The following MCPH1 variants were observed in gnomAD, a reference collection of about 807,000 sequenced individuals.
The protein encoded by MCPH1 is microcephalin 1, also known as microcephalin.
Under a neutral mutation model 84.5 loss-of-function variants are expected in MCPH1, and 104 were observed. That is an observed-to-expected ratio of 1.23 (90% CI 1.05 to 1.45). The LOEUF (loss-of-function observed/expected upper bound fraction) is 1.45. MCPH1 is among the 40% of genes most tolerant of loss of function. MCPH1 has a pLI of 0.00. For synonymous variants in MCPH1, 514 were observed against 366.8 expected (o/e 1.40, Z -4.58); for missense variants, 1,498 against 1,005.7 (o/e 1.49, Z -6.62).
chr8:6,627,772 T>C (rs1025331890), intron 13 of MCPH1, among the ~76,000 whole-genome samples: 7 of 152,116 alleles, frequency 4.6e-5, no homozygotes, highest in African/African-American at 1.7e-4. Context: ...AAGCCTATAG[T>C]TCCAGCTACA....
At chr8:6,498,167 G>A (rs1207562285) in intron 11 of MCPH1, among the ~76,000 whole-genome samples, 4 of 152,226 alleles carry the variant, frequency 2.6e-5, no homozygotes, top group Admixed American at 6.5e-5. Flanking sequence ...TATGTAATGT[G>A]TCACCTACAA....
chr8:6,452,903 T>G (rs1368372132), intron 8 of MCPH1, among the ~76,000 whole-genome samples: 1 of 152,216 alleles, frequency 6.6e-6, no homozygotes, highest in African/African-American at 2.4e-5. Flanking sequence ...AAAGAGTGCA[T>G]GTTCGTTGGA....
In MCPH1 at chr8:6,439,157, GCTT is replaced by G. The variant is rs200084856; in HGVS notation, c.580+65_580+67del. On this transcript the variant is annotated intron_variant, in intron 6 of 13. Coordinates refer to ENST00000344683, the MANE Select transcript of MCPH1 (RefSeq NM_024596.5). ...ATAGCCGATTCAATTATGGTGGAAA[GCTT>G]CTTTTTTCTTTGCCTAGATATTTTA... 878 of 1,523,810 alleles carry G rather than the reference GCTT, an allele frequency of 5.8e-4. 2 individuals are homozygous for G. In the African/African-American group the frequency reaches 8.7e-3, roughly 15 times the overall value. 94.4% of individuals were successfully genotyped at this position (1,523,810 alleles called of 1,614,324 possible).
intron 12 of MCPH1, among the ~76,000 whole-genome samples, chr8:6,604,752 G>T (rs997903605): frequency 6.6e-5 from 10 of 152,340 alleles, no homozygotes; most frequent in African/African-American, 2.2e-4. Context: ...GGATCTGCCT[G>T]CCTCGGCCTC....
intron 12 of MCPH1, among the ~76,000 whole-genome samples, chr8:6,539,061 G>C (rs1238906137): frequency 6.6e-6 from 1 of 152,018 alleles, no homozygotes; most frequent in Non-Finnish European, 1.5e-5. Flanking sequence ...TTATTCTGGA[G>C]ATTTTGCTGC....
At chr8:6,611,162 T>G (rs1362851733) in intron 12 of MCPH1, among the ~76,000 whole-genome samples, 2 of 150,352 alleles carry the variant, frequency 1.3e-5, no homozygotes, top group Admixed American at 6.6e-5. Flanking sequence ...AGAAAACACT[T>G]CTGACACCAA....
chr8:6,559,645 G>A (rs1262845248), intron 12 of MCPH1, among the ~76,000 whole-genome samples: 1 of 152,084 alleles, frequency 6.6e-6, no homozygotes, highest in Non-Finnish European at 1.5e-5. Context: ...GTGTGAAATA[G>A]TTCTTTCCTT....
At position 6,452,063 on chromosome 8, in the gene MCPH1, C is replaced by T. The variant is rs140700323; in HGVS notation, c.1826-3080C>T. Among the ~76,000 whole-genome samples, 331 of 152,282 alleles carry T rather than the reference C, an allele frequency of 2.2e-3. 3 individuals are homozygous for T. The highest frequency in any genetic ancestry group is 0.019 in the Admixed American group (294 of 15,300). On this transcript the variant is annotated intron_variant, in intron 8 of 13. Transcript: ENST00000344683. Reference sequence around the variant, plus strand: ...AGCTCTAGACAAAATTTGACACAAGCCAAGTTTCTCCTACAGTCTTTTCAT... The same window carrying T: ...AGCTCTAGACAAAATTTGACACAAGTCAAGTTTCTCCTACAGTCTTTTCAT...
intron 9 of MCPH1, chr8:6,474,182 C>G (rs1808134565): frequency 4.1e-6 from 3 of 724,232 alleles, no homozygotes; most frequent in East Asian, 2.5e-5. Flanking sequence ...ATCAGCTACT[C>G]TGTCTTCATC....
chr8:6,446,967 C>T (rs1302508300), intron 8 of MCPH1: 23 of 985,214 alleles, frequency 2.3e-5, no homozygotes, highest in Non-Finnish European at 2.5e-5. Context: ...CTGGTGGGGA[C>T]GGAGAGGTTT....
intron 9 of MCPH1, among the ~76,000 whole-genome samples, chr8:6,466,129 A>ATT (rs751729134): frequency 9.1e-4 from 18 of 19,776 alleles, no homozygotes; most frequent in East Asian, 3.4e-3. Flanking sequence ...TAATTTTTGG[A>ATT]TTTTTTTTTT....
chr8:6,438,312 G>A (rs1802974021), intron 5 of MCPH1, among the ~76,000 whole-genome samples: 1 of 152,162 alleles, frequency 6.6e-6, no homozygotes, highest in Admixed American at 6.5e-5. Flanking sequence ...CTACAGTAAG[G>A]GTGATTCAGG....
chr8:6,566,537 G>A lies in MCPH1; in HGVS notation c.2215-54917G>A, dbSNP rs527344763. Among the ~76,000 whole-genome samples, 3 of 152,324 alleles carry A rather than the reference G, an allele frequency of 2.0e-5. No individual in the cohort carries two copies. The East Asian group carries it at 5.8e-4, about 29-fold the overall frequency. On this transcript the variant is annotated intron_variant, in intron 12 of 13. Coordinates refer to ENST00000344683, the MANE Select transcript of MCPH1 (RefSeq NM_024596.5). ...ACAGTACAGTGACCACCTGTGGTCGGCATGGCCATTAACAGGGCACACAGC... is the reference window on the plus strand; with the variant it reads ...ACAGTACAGTGACCACCTGTGGTCGACATGGCCATTAACAGGGCACACAGC...
chr8:6,516,106 C>G (rs2515428), intron 12 of MCPH1, among the ~76,000 whole-genome samples: 9,216 of 152,238 alleles, frequency 0.061, 315 homozygotes, highest in African/African-American at 0.079. Flanking sequence ...TGTTTGGAAA[C>G]ATAGGTGCCA....
At chr8:6,625,664 G>A (rs1006507981) in intron 13 of MCPH1, 44 of 985,076 alleles carry the variant, frequency 4.5e-5, no homozygotes, top group African/African-American at 8.7e-5. Context: ...GGGCGTGGTG[G>A]CCCATGCCTG....
chr8:6,522,969 T>C (rs751481068), intron 12 of MCPH1, among the ~76,000 whole-genome samples: 4 of 151,968 alleles, frequency 2.6e-5, no homozygotes, highest in African/African-American at 7.2e-5. Flanking sequence ...TACATAACAG[T>C]TAATATGTGA....
intron 12 of MCPH1, among the ~76,000 whole-genome samples, chr8:6,557,962 G>C (rs902349328): frequency 6.6e-6 from 1 of 152,054 alleles, no homozygotes; most frequent in African/African-American, 2.4e-5. Context: ...GTTGTGCCAC[G>C]TCCTCCCCCT....
intron 3 of MCPH1, among the ~76,000 whole-genome samples, chr8:6,419,457 A>G (rs953731520): frequency 6.6e-5 from 10 of 151,882 alleles, no homozygotes; most frequent in South Asian, 2.1e-4. Context: ...CAGTGGCGCA[A>G]TCTCGGCTCA....
chr8:6,473,456 C>G (rs2129558827), intron 9 of MCPH1, among the ~76,000 whole-genome samples: 1 of 150,912 alleles, frequency 6.6e-6, no homozygotes, highest in East Asian at 2.0e-4. Context: ...CTCGGCCTCC[C>G]AAGTAGCTGG....
Sources: gnomAD v4.1 joint callset for allele counts (sites outside exome capture counted in the v4.1 genomes callset) on GRCh38, gnomAD v4.1.1 for gene constraint, MANE v1.5 for transcripts, NCBI Gene and HGNC (gene_info 2026-07-23, HGNC 2026-07-21) for gene names.